Variants in PLEKHM2 observed in about 807,000 individuals in gnomAD.
PLEKHM2 encodes pleckstrin homology and RUN domain containing M2.
In PLEKHM2, 77 loss-of-function variants were observed where a neutral mutation model predicts 116.3. The ratio of observed to expected loss-of-function variants is 0.66; its 90% CI spans 0.55 to 0.80. The LOEUF is 0.80. Ranked by LOEUF, PLEKHM2 falls within the 30% of genes least tolerant of loss-of-function variation. The pLI is 0.00. For synonymous variants in PLEKHM2, 562 were observed against 571.0 expected (o/e 0.98, Z 0.22); for missense variants, 1,183 against 1,354.9 (o/e 0.87, Z 1.99).
In PLEKHM2 at chr1:15,733,813, C is replaced by G; in HGVS notation, c.2939C>G (p.Thr980Arg). ...KTIYQVDLPH[T>R]AIQEASNKKK... ...CCAACACAGGTGGACCTCCCCCACA[C>G]GGCGATCCAGGAAGCCTCCAACAAG... Residue 980 changes from threonine (T) to arginine (R), a missense_variant, in exon 20 of 20, where the codon ACG (threonine) becomes AGG (arginine). Transcript: ENST00000375799. 6.2e-7 allele frequency: 1 copy of G among 1,612,994 alleles called. No individual in the cohort carries two copies. Among genetic ancestry groups the G allele is most frequent in the East Asian group, 2.2e-5 (1 of 44,876 alleles).
chr1:15,684,037 G>A (rs1640702681), upstream of PLEKHM2, among the ~76,000 whole-genome samples: 1 of 149,646 alleles, frequency 6.7e-6, no homozygotes, highest in Admixed American at 6.6e-5. Context: ...GGTCCCTGAA[G>A]GAATCTGTGG....
Position 15,721,094 on chromosome 1 carries a change from G to GGTC in PLEKHM2, c.653-234_653-232dup. Reference sequence around the variant, plus strand: ...GAACCAGCTTCTGGATGTGGAAAGGGGTCACCCTGACAGGTCTTTCCAGCT... The same window carrying GGTC: ...GAACCAGCTTCTGGATGTGGAAAGGGGTCGTCACCCTGACAGGTCTTTCCAGCT... On this transcript the variant is annotated intron_variant, in intron 6 of 19. Transcript: ENST00000375799. The surrounding 1 kb of genome is among the most constrained non-coding windows in gnomAD (Gnocchi z 5.1). 2.0e-6 allele frequency: 1 copy of GGTC among 490,792 alleles called. No individual in the cohort carries two copies. Among genetic ancestry groups the GGTC allele is most frequent in the Non-Finnish European group, 3.6e-6 (1 of 278,880 alleles). 30.4% of individuals were successfully genotyped at this position (490,792 alleles called of 1,614,324 possible).
chr1:15,699,795 A>G lies in PLEKHM2; in HGVS notation c.60+15177A>G, dbSNP rs377329240. On this transcript the variant is annotated intron_variant, in intron 1 of 19. Coordinates refer to ENST00000375799, the MANE Select transcript of PLEKHM2 (RefSeq NM_015164.4). ...GGCAATATAGTGAGACTCCATCTCT[A>G]TTATTATATTACATAAATATATTAA... Among the ~76,000 whole-genome samples the G allele has an allele frequency of 2.2e-4, 34 of 152,082 alleles. No homozygotes were observed. In the South Asian group the frequency reaches 6.9e-3, roughly 31 times the overall value.
intron 1 of PLEKHM2, among the ~76,000 whole-genome samples, chr1:15,710,667 T>G (rs1242941934): frequency 6.6e-6 from 1 of 151,950 alleles, no homozygotes; most frequent in Non-Finnish European, 1.5e-5. Flanking sequence ...GGGGCTGGGG[T>G]GGACTTGTTC....
intron 1 of PLEKHM2, among the ~76,000 whole-genome samples, chr1:15,700,987 C>T (rs1557644510): frequency 6.6e-6 from 1 of 151,950 alleles, no homozygotes; most frequent in Non-Finnish European, 1.5e-5. Flanking sequence ...GTGGTGGACG[C>T]CTGTAATCCC....
chr1:15,684,462 GCAGCGGTT>G lies in PLEKHM2; in HGVS notation c.-96_-89del. On this transcript the variant is annotated 5_prime_UTR_variant, in exon 1 of 20. Coordinates refer to ENST00000375799, the MANE Select transcript of PLEKHM2 (RefSeq NM_015164.4). ...CGACGGAGCCCCCGTACGGCCGGCG[GCAGCGGTT>G]GGCGGCGGCCCCCGGCCCCCGGCGC... 1 of 669,008 alleles carries G rather than the reference GCAGCGGTT, an allele frequency of 1.5e-6. No individual in the cohort carries two copies. Among genetic ancestry groups the G allele is most frequent in the Non-Finnish European group, 1.8e-6 (1 of 542,064 alleles). 41.4% of individuals were successfully genotyped at this position (669,008 alleles called of 1,614,324 possible).
intron 1 of PLEKHM2, among the ~76,000 whole-genome samples, chr1:15,714,095 C>A (rs1301205958): frequency 6.6e-6 from 1 of 151,900 alleles, no homozygotes; most frequent in African/African-American, 2.4e-5. Context: ...GTGCCTGTCA[C>A]CGCACCCAGC....
At chr1:15,712,416 T>C (rs1030002937) in intron 1 of PLEKHM2, among the ~76,000 whole-genome samples, 1 of 152,176 alleles carries the variant, frequency 6.6e-6, no homozygotes, top group African/African-American at 2.4e-5. Flanking sequence ...ATTGTGAATG[T>C]GTTTGTCTGT....
intron 1 of PLEKHM2, among the ~76,000 whole-genome samples, chr1:15,688,489 C>A (rs1042662457): frequency 6.6e-6 from 1 of 151,758 alleles, no homozygotes; most frequent in African/African-American, 2.4e-5. Flanking sequence ...CCATCTCTAC[C>A]AAAAATACAG....
Position 15,728,642 on chromosome 1 carries a change from A to C in PLEKHM2, c.1922-27A>C. On this transcript the variant is annotated intron_variant, in intron 11 of 19. Transcript: ENST00000375799. This position sits in a 1 kb window ranked among gnomAD's most constrained non-coding sequence, Gnocchi z 5.9. Reference sequence around the variant, plus strand: ...GGAGGGAAAAGAGGCCTGTGGGGATAATAGGCCTTGGGGTTTCCTCTCTCA... The same window carrying C: ...GGAGGGAAAAGAGGCCTGTGGGGATCATAGGCCTTGGGGTTTCCTCTCTCA... 1 of 1,586,122 alleles carries C rather than the reference A, an allele frequency of 6.3e-7. No homozygotes were observed. The highest frequency in any genetic ancestry group is 1.3e-5 in the African/African-American group (1 of 74,494).
At position 15,732,535 on chromosome 1, in the gene PLEKHM2, C is replaced by T. The variant is rs558208485; in HGVS notation, c.2805+6C>T. The T allele has an allele frequency of 6.9e-5, 111 of 1,609,050 alleles. 2 individuals are homozygous for T. The South Asian group carries it at 1.2e-3, about 18-fold the overall frequency. On this transcript the variant is annotated splice_donor_region_variant and intron_variant, in intron 18 of 19. Transcript: ENST00000375799. The stretch of plus-strand genomic sequence containing the variant: ...GCAAGGAGTACTGCGTCTTGGTGAG[C>T]TTTGAGTGGGGGCGGGGCTGCAAGG...
intron 1 of PLEKHM2, among the ~76,000 whole-genome samples, chr1:15,689,123 C>G (rs1177161416): frequency 2.0e-5 from 3 of 151,732 alleles, no homozygotes; most frequent in African/African-American, 7.3e-5. Flanking sequence ...TGGTGCATAC[C>G]TGTAATCCCA....
intron 1 of PLEKHM2, among the ~76,000 whole-genome samples, chr1:15,714,841 T>C (rs1641412189): frequency 6.6e-6 from 1 of 152,236 alleles, no homozygotes; most frequent in African/African-American, 2.4e-5. Flanking sequence ...GAACAGGATA[T>C]GGCTAACATG....
At chr1:15,688,557 C>T (rs933559370) in intron 1 of PLEKHM2, among the ~76,000 whole-genome samples, 1 of 149,564 alleles carries the variant, frequency 6.7e-6, no homozygotes, top group African/African-American at 2.5e-5. Context: ...GAGGCTGAGG[C>T]AGGGAAGCAC....
At chr1:15,720,400 G>C (rs1391232996) in intron 6 of PLEKHM2, 1 of 985,180 alleles carries the variant, frequency 1.0e-6, no homozygotes, top group Non-Finnish European at 1.2e-6. Context: ...CTGTGTGTCC[G>C]TCCGATTTCT....
intron 6 of PLEKHM2, 87 bp downstream of exon 6, chr1:15,720,007 G>C: frequency 8.7e-7 from 1 of 1,155,142 alleles, no homozygotes; most frequent in Non-Finnish European, 1.2e-6. Flanking sequence ...GTCTTCCTTG[G>C]CTAGTTTTGG....
chr1:15,685,869 C>T (rs1018930741), intron 1 of PLEKHM2, among the ~76,000 whole-genome samples: 2 of 152,260 alleles, frequency 1.3e-5, no homozygotes, highest in African/African-American at 4.8e-5. Context: ...CTGAGCTTTG[C>T]TAATGTAATG....
intron 1 of PLEKHM2, among the ~76,000 whole-genome samples, chr1:15,703,404 C>T (rs1336778829): frequency 6.6e-6 from 1 of 152,160 alleles, no homozygotes; most frequent in African/African-American, 2.4e-5. Context: ...GTGACCCCTG[C>T]TCCCCTAGTA....
intron 6 of PLEKHM2, 146 bp downstream of exon 6, chr1:15,720,066 C>T (rs905436251): frequency 1.7e-6 from 1 of 592,952 alleles, no homozygotes; most frequent in African/African-American, 1.9e-5. Context: ...TTTCCCAGAT[C>T]TTCATCTCCT....
Sources: allele counts gnomAD v4.1 joint callset (sites outside exome capture counted in the v4.1 genomes callset), GRCh38; gene constraint gnomAD v4.1.1; non-coding constraint Gnocchi (gnomAD v3.1); transcripts MANE v1.5; gene names NCBI Gene and HGNC (gene_info 2026-07-23, HGNC 2026-07-21).